The following CFAP61 variants were observed in gnomAD, a reference collection of about 807,000 sequenced individuals.
The protein encoded by CFAP61 is cilia- and flagella-associated protein 61.
A neutral mutation model predicts 135.6 loss-of-function variants in CFAP61; 107 were observed. The observed-to-expected ratio is 0.79, with a 90% CI of 0.67 to 0.93. The LOEUF (loss-of-function observed/expected upper bound fraction) is 0.93, where lower values mean the gene tolerates loss of function less well. CFAP61 is among the 40% of genes least tolerant of loss of function. CFAP61 has a pLI of 0.00. For synonymous variants in CFAP61, 575 were observed against 578.5 expected (o/e 0.99, Z 0.09); for missense variants, 1,507 against 1,556.2 (o/e 0.97, Z 0.53).
intron 2 of CFAP61, among the ~76,000 whole-genome samples, chr20:20,059,221 G>A (rs760281992): frequency 3.3e-5 from 5 of 150,020 alleles, no homozygotes; most frequent in African/African-American, 4.9e-5. Flanking sequence ...CCCACTACTC[G>A]GGAGGCTGAG....
chr20:20,252,637 G>A (rs911243705), intron 20 of CFAP61, among the ~76,000 whole-genome samples: 5 of 152,072 alleles, frequency 3.3e-5, no homozygotes, highest in African/African-American at 9.7e-5. Context: ...TTGTTTCAGT[G>A]TGGCTCAGGG....
chr20:20,202,925 A>G lies in CFAP61; in HGVS notation c.1932+3023A>G, dbSNP rs143492202. Among the ~76,000 whole-genome samples, 258 of 152,160 alleles carry G rather than the reference A, an allele frequency of 1.7e-3. 1 individual carries two copies. Among genetic ancestry groups the G allele is most frequent in the Non-Finnish European group, 3.1e-3 (208 of 68,006 alleles). Reference sequence around the variant, plus strand: ...TCCCTACCTTTCACCTAGGAAGCCAATCTTCAAGGGAACAGATCACTCCAG... The same window carrying G: ...TCCCTACCTTTCACCTAGGAAGCCAGTCTTCAAGGGAACAGATCACTCCAG... On this transcript the variant is annotated intron_variant, in intron 17 of 26. Coordinates refer to ENST00000245957, the MANE Select transcript of CFAP61 (RefSeq NM_015585.4).
intron 22 of CFAP61, among the ~76,000 whole-genome samples, chr20:20,284,521 G>A (rs2054440717): frequency 1.3e-5 from 2 of 152,162 alleles, no homozygotes; most frequent in Non-Finnish European, 1.5e-5. Flanking sequence ...TCCTGACTTC[G>A]TGATCCGCCT....
intron 25 of CFAP61, among the ~76,000 whole-genome samples, chr20:20,326,811 T>G (rs954783673): frequency 1.3e-5 from 2 of 152,220 alleles, no homozygotes. Flanking sequence ...TCTTTCCGAA[T>G]GTATTATCAT....
At chr20:20,257,620 C>CAA (rs147860452) in intron 20 of CFAP61, among the ~76,000 whole-genome samples, 2 of 58,256 alleles carry the variant, frequency 3.4e-5, no homozygotes, top group African/African-American at 6.7e-5. Flanking sequence ...TCAAAAAAAA[C>CAA]AAAAAAACAA....
intron 2 of CFAP61, among the ~76,000 whole-genome samples, chr20:20,069,068 T>TA (rs1186953875): frequency 6.6e-6 from 1 of 152,178 alleles, no homozygotes; most frequent in East Asian, 1.9e-4. Context: ...TACCGAGAGA[T>TA]ACTGGTTTTC....
At chr20:20,302,628 C>G (rs1453711755) in intron 25 of CFAP61, among the ~76,000 whole-genome samples, 2 of 152,168 alleles carry the variant, frequency 1.3e-5, no homozygotes, top group Non-Finnish European at 2.9e-5. Context: ...CTCCACTGCA[C>G]TCCAGCCTGG....
intron 8 of CFAP61, among the ~76,000 whole-genome samples, chr20:20,099,746 G>T (rs149512882): frequency 6.6e-6 from 1 of 152,264 alleles, no homozygotes; most frequent in East Asian, 1.9e-4. Flanking sequence ...AAATTGCTAT[G>T]CTTTCTCCTG....
At chr20:20,202,784 A>G (rs545604523) in intron 17 of CFAP61, among the ~76,000 whole-genome samples, 1 of 151,814 alleles carries the variant, frequency 6.6e-6, no homozygotes, top group East Asian at 1.9e-4. Flanking sequence ...CTCCCAGTGC[A>G]TCAAGCTTTA....
chr20:20,086,373 G>A (rs929970618), intron 6 of CFAP61, among the ~76,000 whole-genome samples: 9 of 132,068 alleles, frequency 6.8e-5, no homozygotes, highest in African/African-American at 2.4e-4. Context: ...GTGTCCATGT[G>A]TTCTCATTGT....
At chr20:20,226,685 C>T (rs764981046) in intron 17 of CFAP61, among the ~76,000 whole-genome samples, 5 of 152,192 alleles carry the variant, frequency 3.3e-5, no homozygotes, top group Admixed American at 2.0e-4. Flanking sequence ...GTTTACACCA[C>T]GTGCCATCTA....
intron 2 of CFAP61, among the ~76,000 whole-genome samples, chr20:20,061,725 C>G (rs1175249224): frequency 6.6e-6 from 1 of 152,188 alleles, no homozygotes; most frequent in African/African-American, 2.4e-5. Context: ...GTTCCCCATG[C>G]CTTTTTGTGC....
At chr20:20,054,975 T>C (rs2044191101) in intron 1 of CFAP61, among the ~76,000 whole-genome samples, 1 of 152,248 alleles carries the variant, frequency 6.6e-6, no homozygotes, top group African/African-American at 2.4e-5. Context: ...ATGTTTTTCA[T>C]TCTGTCTTAC....
chr20:20,055,033 C>T (rs535579695), intron 1 of CFAP61, among the ~76,000 whole-genome samples: 39 of 152,222 alleles, frequency 2.6e-4, no homozygotes, highest in African/African-American at 9.4e-4. Flanking sequence ...GTGCTTCTTT[C>T]TAGATAATTT....
At chr20:20,253,034 T>A (rs982458044) in intron 20 of CFAP61, among the ~76,000 whole-genome samples, 3 of 152,206 alleles carry the variant, frequency 2.0e-5, no homozygotes, top group Admixed American at 6.5e-5. Flanking sequence ...TCCTCATCTA[T>A]ACCTTAGAAT....
At chr20:20,103,609 T>TA (rs909259459) in intron 8 of CFAP61, among the ~76,000 whole-genome samples, 42 of 152,216 alleles carry the variant, frequency 2.8e-4, no homozygotes, top group Admixed American at 6.5e-5. Flanking sequence ...CCTTAAATGC[T>TA]AAAAAAAACT....
chr20:20,056,623 T>C lies in CFAP61; in HGVS notation c.-31T>C. 1 of 1,610,086 alleles carries C rather than the reference T, an allele frequency of 6.2e-7. No homozygotes were observed. Among genetic ancestry groups the C allele is most frequent in the Non-Finnish European group, 8.5e-7 (1 of 1,178,404 alleles). ...TTATCATATCAGATTAATAGTGGAC[T>C]TTTTTCTCTCTTTTGGGGACAGGAT... On this transcript the variant is annotated 5_prime_UTR_variant, in exon 2 of 27. Coordinates refer to ENST00000245957, the MANE Select transcript of CFAP61 (RefSeq NM_015585.4).
At chr20:20,151,494 C>A (rs2052402955) in intron 9 of CFAP61, among the ~76,000 whole-genome samples, 1 of 152,046 alleles carries the variant, frequency 6.6e-6, no homozygotes, top group South Asian at 2.1e-4. Flanking sequence ...TCAAGGAAAA[C>A]TTCCCTGGCC....
intron 8 of CFAP61, among the ~76,000 whole-genome samples, chr20:20,105,805 TGA>T (rs2048343529): frequency 1.4e-5 from 1 of 71,880 alleles, no homozygotes; most frequent in Admixed American, 1.3e-4. Context: ...CTAATTTTTT[TGA>T]GTTTTTTTTT....
Sources: allele counts gnomAD v4.1 joint callset (sites outside exome capture counted in the v4.1 genomes callset), GRCh38; gene constraint gnomAD v4.1.1; transcripts MANE v1.5; gene names NCBI Gene and HGNC (gene_info 2026-07-23, HGNC 2026-07-21).